IKBKG: variants seen among roughly 807,000 people sequenced by gnomAD.
IKBKG encodes the protein NF-kappa-B essential modulator.
In IKBKG, 2 loss-of-function variants were observed where a neutral mutation model predicts 13.7. The ratio of observed to expected loss-of-function variants is 0.15; its 90% CI spans 0.06 to 0.46. The LOEUF is 0.46. IKBKG is among the 20% of genes least tolerant of loss of function. The pLI is 0.98. For synonymous variants in IKBKG, 22 were observed against 64.4 expected (o/e 0.34, Z 3.15); for missense variants, 53 against 150.3 (o/e 0.35, Z 3.39).
At chrX:154,541,611 T>G (rs190165081) in intron 1 of IKBKG, among the ~76,000 whole-genome samples, 1 of 111,544 alleles carries the variant, frequency 9.0e-6, no homozygotes, top group African/African-American at 3.3e-5. Context: ...TCGTGCCATG[T>G]GGGTGGGGGC....
Position 154,551,717 on chromosome X carries a change from A to G in IKBKG, c.-15-271A>G, listed in dbSNP as rs374777714. Among the ~76,000 whole-genome samples the G allele has an allele frequency of 2.3e-4, 25 of 111,064 alleles. No individual in the cohort carries two copies. In the East Asian group the frequency reaches 6.5e-3, roughly 29 times the overall value. On this transcript the variant is annotated intron_variant, in intron 1 of 9. Transcript: ENST00000594239. ...AGCATACTGACATCTCCCTCCACAA[A>G]CAGTCTTGTCCCGACTCTCCCATCT...
In IKBKG at chrX:154,556,218, C is replaced by T; in HGVS notation, c.241C>T (p.His81Tyr). The change falls in exon 3 of 10, where the codon CAT becomes TAT. Residue 81 changes from histidine to tyrosine, a missense_variant. Around this residue, in one of 3 missense-constraint regions of IKBKG, gnomAD observed 1 missense variants for 84.3 expected, o/e 0.01. Coordinates refer to ENST00000594239, the MANE Select transcript of IKBKG (RefSeq NM_001099857.5). ...GCGGGAGCGCTGCGAGGAGCTTCTG[C>T]ATTTCCAAGCCAGCCAGAGGGAGGA... ...ILRERCEELL[H>Y]FQASQREEKE... The T allele has an allele frequency of 2.0e-6, 1 of 507,482 alleles. No individual in the cohort carries two copies. The highest frequency in any genetic ancestry group is 3.2e-5 in the South Asian group (1 of 31,266). The allele number at this position is 507,482 out of a possible 1,213,427, so 41.8% of individuals were successfully genotyped here.
upstream of IKBKG, chrX:154,547,275 C>G (rs1298057672): frequency 8.3e-6 from 6 of 719,332 alleles, no homozygotes; most frequent in African/African-American, 1.2e-4. Flanking sequence ...GCGGGGCCTT[C>G]TGCCGCGCCA....
chrX:154,542,557 C>T (rs1485266388), upstream of IKBKG: 11 of 1,010,385 alleles, frequency 1.1e-5, no homozygotes, highest in Non-Finnish European at 1.3e-6. Context: ...AGGAAGGAAG[C>T]TGGGTGTGTG....
chrX:154,542,476 G>A (rs889334371), upstream of IKBKG: 28 of 1,164,580 alleles, frequency 2.4e-5, no homozygotes, highest in Non-Finnish European at 3.2e-5. Context: ...CTCCCTTTCT[G>A]GTAGGGGTGG....
intron 1 of IKBKG, among the ~76,000 whole-genome samples, chrX:154,549,150 T>A (rs1481965070): frequency 9.1e-6 from 1 of 109,817 alleles, no homozygotes; most frequent in Non-Finnish European, 1.9e-5. Context: ...GCCCAGCTAA[T>A]TTTTGTATTT....
chrX:154,546,973 G>GGCCACCACCCCTCGTGC (rs2148353981), upstream of IKBKG: 1 of 304,765 alleles, frequency 3.3e-6, no homozygotes, highest in East Asian at 7.0e-5. Flanking sequence ...CGGGCGGGGC[G>GGCCACCACCCCTCGTGC]GGGCGAGGGC....
rs1015687403 is a variant in IKBKG at position 154,548,527 on chromosome X, T to G, written c.-16+782T>G. ...ATTTTATTATTGGAAATTTCAAAAA[T>G]GTACGAAAGTAGAAAAATGAGTATA... On this transcript the variant is annotated intron_variant, in intron 1 of 9. Coordinates refer to ENST00000594239, the MANE Select transcript of IKBKG (RefSeq NM_001099857.5). Among the ~76,000 whole-genome samples, 11 of 112,555 alleles carry G rather than the reference T, an allele frequency of 9.8e-5. No individual in the cohort carries two copies. In the Admixed American group the frequency reaches 1.0e-3, roughly 11 times the overall value.
upstream of IKBKG, among the ~76,000 whole-genome samples, chrX:154,546,521 G>T (rs1035139290): frequency 3.6e-5 from 4 of 111,623 alleles, no homozygotes; most frequent in Non-Finnish European, 5.7e-5. Flanking sequence ...ACTCCACAAT[G>T]ACCTGGAGCA....
upstream of IKBKG, among the ~76,000 whole-genome samples, chrX:154,545,557 G>A (rs1339972215): frequency 2.7e-5 from 3 of 111,895 alleles, no homozygotes; most frequent in Non-Finnish European, 5.6e-5. Flanking sequence ...TCCTGCAGCC[G>A]GGCGTGGTGG....
intron 1 of IKBKG, 63 bp downstream of exon 1, chrX:154,547,808 C>T (rs1557234036): frequency 1.3e-6 from 1 of 754,031 alleles, no homozygotes; most frequent in Non-Finnish European, 1.6e-6. Flanking sequence ...TCCGAAACTT[C>T]CCCCGGACGT....
At chrX:154,554,585 C>T (rs1379946996) in intron 2 of IKBKG, among the ~76,000 whole-genome samples, 1 of 111,094 alleles carries the variant, frequency 9.0e-6, no homozygotes, top group African/African-American at 3.3e-5. Context: ...ATGGTGAAAC[C>T]CCATCTCTAC....
Position 154,547,652 on chromosome X carries a change from G to T in IKBKG, c.-109G>T. The T allele has an allele frequency of 2.6e-6, 2 of 754,978 alleles. No individual in the cohort carries two copies. Among genetic ancestry groups the T allele is most frequent in the Non-Finnish European group, 3.1e-6 (2 of 639,470 alleles). The allele number at this position is 754,978 out of a possible 1,213,427, so 62.2% of individuals were successfully genotyped here. ...GGAAGCGTGGTAGGGAAGGGCGACC[G>T]CGAAACTGGGACTTTCTCGGAGCGC... is the stretch of plus-strand genomic sequence containing the variant. On this transcript the variant is annotated 5_prime_UTR_variant, in exon 1 of 10. Coordinates refer to ENST00000594239, the MANE Select transcript of IKBKG (RefSeq NM_001099857.5).
At chrX:154,545,391 G>T (rs1266753753), upstream of IKBKG, among the ~76,000 whole-genome samples, 1 of 111,791 alleles carries the variant, frequency 8.9e-6, no homozygotes, top group Non-Finnish European at 1.9e-5. Flanking sequence ...CCTGCCTTTG[G>T]AACTCATTTG....
At chrX:154,545,012 C>A (rs1367265599), upstream of IKBKG, among the ~76,000 whole-genome samples, 10 of 111,593 alleles carry the variant, frequency 9.0e-5, no homozygotes, top group Admixed American at 9.5e-5. Flanking sequence ...TTGAGTGCAT[C>A]CAGGGTTAAA....
At chrX:154,543,272 G>A (rs782212353), upstream of IKBKG, among the ~76,000 whole-genome samples, 1 of 112,811 alleles carries the variant, frequency 8.9e-6, no homozygotes, top group South Asian at 3.6e-4. Context: ...ACAGAGGAGA[G>A]CAAAGGGGAA....
At chrX:154,547,953 C>T in intron 1 of IKBKG, 1 of 755,009 alleles carries the variant, frequency 1.3e-6, no homozygotes, top group Non-Finnish European at 1.6e-6. Context: ...CCCTCCTCCT[C>T]CACTGCGGGG....
chrX:154,547,894 A>G, intron 1 of IKBKG, 149 bp downstream of exon 1: 2 of 754,582 alleles, frequency 2.7e-6, no homozygotes, highest in Non-Finnish European at 3.1e-6. Context: ...AGGCGGGCCG[A>G]TTCAGGACCC....
upstream of IKBKG, chrX:154,547,619 C>T (rs2070785056): frequency 1.3e-6 from 1 of 754,832 alleles, no homozygotes; most frequent in Non-Finnish European, 1.6e-6. Flanking sequence ...GCTATGACAC[C>T]GGAAGCCGGA....
Sources: gnomAD v4.1 joint callset for allele counts (sites outside exome capture counted in the v4.1 genomes callset) on GRCh38, gnomAD v4.1.1 for gene constraint, gnomAD v4.1.1 regional missense constraint, MANE v1.5 for transcripts, NCBI Gene and HGNC (gene_info 2026-07-23, HGNC 2026-07-21) for gene names.